Variants in EPM2A observed in about 807,000 individuals in gnomAD.
EPM2A encodes laforin.
A neutral mutation model predicts 26.5 loss-of-function variants in EPM2A; 21 were observed. That is an observed-to-expected ratio of 0.79 (90% confidence interval 0.56 to 1.14). The LOEUF (loss-of-function observed/expected upper bound fraction) is 1.14, where lower values mean the gene tolerates loss of function less well. EPM2A is among the 50% of genes most tolerant of loss of function. The pLI is 0.00. For missense variants in EPM2A, 458 were observed against 440.8 expected, an observed-to-expected ratio of 1.04 and a Z score of -0.35; for synonymous variants, 217 against 177.6, an observed-to-expected ratio of 1.22 and a Z score of -1.76.
intron 1 of EPM2A, among the ~76,000 whole-genome samples, chr6:145,734,374 TA>T (rs1252241541): frequency 6.6e-6 from 1 of 152,114 alleles, no homozygotes; most frequent in Non-Finnish European, 1.5e-5. Context: ...AGTATATGCA[TA>T]TATCACATAC....
chr6:145,388,177 T>C (rs917275366), intron 4 of EPM2A, among the ~76,000 whole-genome samples: 12 of 152,200 alleles, frequency 7.9e-5, no homozygotes, highest in African/African-American at 2.9e-4. Context: ...AGATTTGATA[T>C]ACTGTTCTCT....
At chr6:145,683,250 TAA>T (rs1168652135) in intron 2 of EPM2A, among the ~76,000 whole-genome samples, 10 of 144,326 alleles carry the variant, frequency 6.9e-5, no homozygotes, top group Non-Finnish European at 1.4e-4. Flanking sequence ...TGTTGAAAAA[TAA>T]AGATTCCCAG....
rs1045465673 is a variant in EPM2A, at chr6:145,648,358, T to A, written c.477-12872A>T. 4.6e-5 allele frequency among the ~76,000 whole-genome samples: 7 copies of A among 152,302 alleles called. No homozygotes were observed. The South Asian group carries it at 1.5e-3, about 32-fold the overall frequency. On this transcript the variant is annotated intron_variant, in intron 2 of 3. Coordinates refer to ENST00000367519, the MANE Select transcript of EPM2A (RefSeq NM_005670.4). ...CTAGTTCTGCAGCTGTGTTTGTCAA[T>A]CCAAAGGTCTCACTTAAAATGTACT...
chr6:145,518,246 G>A (rs1021960166), intron 2 of EPM2A, among the ~76,000 whole-genome samples: 6 of 152,164 alleles, frequency 3.9e-5, no homozygotes, highest in African/African-American at 1.4e-4. Flanking sequence ...AAAGATTGCT[G>A]TTTTATGTTC....
intron 2 of EPM2A, among the ~76,000 whole-genome samples, chr6:145,529,866 C>T (rs1002715211): frequency 2.0e-5 from 3 of 152,140 alleles, no homozygotes; most frequent in Non-Finnish European, 2.9e-5. Flanking sequence ...TGAAACAAAG[C>T]AGCAAGTGTA....
chr6:145,617,770 T>C (rs529649245), intron 2 of EPM2A, among the ~76,000 whole-genome samples: 2 of 152,112 alleles, frequency 1.3e-5, no homozygotes, highest in African/African-American at 2.4e-5. Context: ...GAGACCCCCA[T>C]CTTTAGAACA....
intron 4 of EPM2A, among the ~76,000 whole-genome samples, chr6:145,438,433 G>A (rs1754770207): frequency 6.6e-6 from 1 of 150,712 alleles, no homozygotes; most frequent in South Asian, 2.1e-4. Flanking sequence ...AAAGAGTTTA[G>A]GTATTCCCAG....
chr6:145,614,874 T>A (rs921904092), intron 2 of EPM2A, among the ~76,000 whole-genome samples: 1 of 152,158 alleles, frequency 6.6e-6, no homozygotes, highest in Non-Finnish European at 1.5e-5. Context: ...ACAAAGTGAG[T>A]ACATGCTGTT....
Position 145,551,086 on chromosome 6 carries a change from C to T in EPM2A, c.341-48511G>A, listed in dbSNP as rs375856561. 2.8e-4 allele frequency among the ~76,000 whole-genome samples: 42 copies of T among 152,138 alleles called. No individual in the cohort carries two copies. In the Middle Eastern group the frequency reaches 0.02, roughly 74 times the overall value. On this transcript the variant is annotated intron_variant, in intron 2 of 3. Transcript: ENST00000450221. ...ATACCTTCAAGTCAAATGTCTCCCA[C>T]AGAAGTCTGAGTAAAATATGGTATA... is the stretch of plus-strand genomic sequence containing the variant.
At chr6:145,597,696 C>T (rs756437726) in intron 2 of EPM2A, among the ~76,000 whole-genome samples, 1 of 151,954 alleles carries the variant, frequency 6.6e-6, no homozygotes, top group Admixed American at 6.6e-5. Context: ...AGCCTAGTAC[C>T]CAACAGTTAC....
At chr6:145,497,809 C>A (rs1452579361), downstream of EPM2A, among the ~76,000 whole-genome samples, 2 of 152,190 alleles carry the variant, frequency 1.3e-5, no homozygotes, top group Non-Finnish European at 2.9e-5. Flanking sequence ...GCTTAAGGAA[C>A]CACTCTGTCC....
chr6:145,688,746 G>A (rs1330100254), intron 1 of EPM2A, among the ~76,000 whole-genome samples: 1 of 152,186 alleles, frequency 6.6e-6, no homozygotes, highest in African/African-American at 2.4e-5. Context: ...GCCAGCGAGA[G>A]AAGGATAAAC....
chr6:145,728,161 A>G (rs1371241757), intron 1 of EPM2A, among the ~76,000 whole-genome samples: 2 of 152,180 alleles, frequency 1.3e-5, no homozygotes, highest in Non-Finnish European at 2.9e-5. Context: ...TTTTCTATAT[A>G]AATCACTCAG....
chr6:145,583,356 T>C (rs1320730517), intron 2 of EPM2A, among the ~76,000 whole-genome samples: 1 of 152,176 alleles, frequency 6.6e-6, no homozygotes, highest in Non-Finnish European at 1.5e-5. Context: ...TTGATGCCCT[T>C]GGGGTTTTGA....
At chr6:145,507,568 C>T (rs1779994243) in intron 2 of EPM2A, among the ~76,000 whole-genome samples, 1 of 152,156 alleles carries the variant, frequency 6.6e-6, no homozygotes, top group Non-Finnish European at 1.5e-5. Context: ...CTGCATTGTC[C>T]CAGACCCAGG....
intron 4 of EPM2A, among the ~76,000 whole-genome samples, chr6:145,480,679 A>G (rs1185876695): frequency 1.3e-5 from 2 of 152,152 alleles, no homozygotes; most frequent in African/African-American, 2.4e-5. Context: ...ACACATATCA[A>G]AATGATAGAC....
intron 2 of EPM2A, among the ~76,000 whole-genome samples, chr6:145,584,842 G>T (rs1049643307): frequency 1.3e-5 from 2 of 152,180 alleles, no homozygotes; most frequent in East Asian, 1.9e-4. Context: ...TCTGCTAGGA[G>T]TGTGCCAGTC....
intron 4 of EPM2A, among the ~76,000 whole-genome samples, chr6:145,393,993 T>C (rs935799938): frequency 1.3e-5 from 2 of 151,870 alleles, no homozygotes; most frequent in Non-Finnish European, 2.9e-5. Context: ...CTGGCTAATT[T>C]TTTGTATCTT....
At chr6:145,554,433 TAGA>T (rs1780696633) in intron 2 of EPM2A, among the ~76,000 whole-genome samples, 1 of 143,482 alleles carries the variant, frequency 7.0e-6, no homozygotes, top group Non-Finnish European at 1.5e-5. Context: ...GATAGATAGA[TAGA>T]TAGATAGATA....
Sources: gnomAD v4.1 joint callset for allele counts (sites outside exome capture counted in the v4.1 genomes callset) on GRCh38, gnomAD v4.1.1 for gene constraint, MANE v1.5 for transcripts, NCBI Gene and HGNC (gene_info 2026-07-23, HGNC 2026-07-21) for gene names.